Variants in AJUBA observed in about 807,000 individuals in gnomAD.
The protein encoded by AJUBA is ajuba LIM protein.
A neutral mutation model predicts 53.3 loss-of-function variants in AJUBA; 20 were observed. That is an observed-to-expected ratio of 0.38 (90% CI 0.26 to 0.55). The LOEUF is 0.55. Ranked by LOEUF, AJUBA falls within the 20% of genes least tolerant of loss-of-function variation. AJUBA has a pLI of 0.80. For synonymous variants in AJUBA, 296 were observed against 306.2 expected (o/e 0.97, Z 0.35); for missense variants, 580 against 730.5 (o/e 0.79, Z 2.38).
rs1364574268 is a variant in AJUBA at position 22,982,543 on chromosome 14, C to A, written c.-277G>T. The A allele has an allele frequency of 2.3e-6, 3 of 1,299,490 alleles. No homozygotes were observed. The highest frequency in any genetic ancestry group is 3.1e-5 in the African/African-American group (2 of 63,924). The allele number at this position is 1,299,490 out of a possible 1,614,324, so 80.5% of individuals were successfully genotyped here. A position where few individuals can be genotyped will look rare whatever the true frequency, so the allele number is the denominator to read the frequency against. On this transcript the variant is annotated 5_prime_UTR_variant, in exon 1 of 8. Coordinates refer to ENST00000262713, the MANE Select transcript of AJUBA (RefSeq NM_032876.6). ...AGGTCTATCTGTTCACGCGTCGACT[C>A]GCCCGACTGCCCCACTCTCCCCGGC...
intron 2 of AJUBA, chr14:22,977,227 C>G (rs1378989418): frequency 2.0e-6 from 2 of 986,732 alleles, no homozygotes; most frequent in South Asian, 9.4e-5. Context: ...GGAGTTACTG[C>G]AGAAGGACAA....
At position 22,982,202 on chromosome 14, in the gene AJUBA, G is replaced by C. The variant is rs778744581; in HGVS notation, c.65C>G (p.Ser22Cys). ...LEKFGRRKGE[S>C]SRSGSDGTPG... ...GGTCCCGTCAGACCCAGACCGGCTA[G>C]ATTCACCCTTTCTGCGGCCGAACTT... The change falls in exon 1 of 8, where the codon TCT becomes TGT. Residue 22 changes from serine (S) to cysteine (C), a missense_variant. Physicochemically the swap from Ser to Cys is moderately radical, Grantham distance 112 (BLOSUM62 -1). Transcript: ENST00000262713. The C allele has an allele frequency of 2.5e-6, 4 of 1,613,950 alleles. No homozygotes were observed. The highest frequency in any genetic ancestry group is 1.3e-5 in the African/African-American group (1 of 75,042).
In AJUBA at chr14:22,979,793, C is replaced by A. The variant is rs1286333305; in HGVS notation, c.1007-1348G>T. The stretch of plus-strand genomic sequence containing the variant: ...CATATCTATACCTATGTTCTTCCTG[C>A]CATTTTATTGCAGTTTCTCTGAGTT... On this transcript the variant is annotated intron_variant, in intron 1 of 7. Coordinates refer to ENST00000262713, the MANE Select transcript of AJUBA (RefSeq NM_032876.6). The surrounding 1 kb of genome is among the most constrained non-coding windows in gnomAD (Gnocchi z 4.0). 6.6e-6 allele frequency among the ~76,000 whole-genome samples: 1 copy of A among 152,234 alleles called. No homozygotes were observed. Among genetic ancestry groups the A allele is most frequent in the Non-Finnish European group, 1.5e-5 (1 of 68,042 alleles).
Position 22,981,493 on chromosome 14 carries a change from T to C in AJUBA, c.774A>G (p.Gln258=), listed in dbSNP as rs1398277558. Reference sequence around the variant, plus strand: ...AGCCGGTCACAGAGTGTCGTCCGGGTTGCGCCCCCCGTCTCTCCAAGGGCC... The same window carrying C: ...AGCCGGTCACAGAGTGTCGTCCGGGCTGCGCCCCCCGTCTCTCCAAGGGCC... ...AAGPLERRGA[Q]PGRHSVTGYG... The change falls in exon 1 of 8, where the codon CAA becomes CAG. Residue 258 remains glutamine, a synonymous_variant. Coordinates refer to ENST00000262713, the MANE Select transcript of AJUBA (RefSeq NM_032876.6). 6.3e-7 allele frequency: 1 copy of C among 1,594,916 alleles called. No individual in the cohort carries two copies. The highest frequency in any genetic ancestry group is 8.5e-7 in the Non-Finnish European group (1 of 1,172,918).
At position 22,972,602 on chromosome 14, in the gene AJUBA, G is replaced by A. The variant is rs1284552133; in HGVS notation, c.*841C>T. The A allele has an allele frequency of 6.6e-6, 1 of 152,568 alleles. No individual in the cohort carries two copies. The highest frequency in any genetic ancestry group is 2.4e-5 in the African/African-American group (1 of 41,398). The allele number at this position is 152,568 out of a possible 1,614,324, so 9.5% of individuals were successfully genotyped here. A position where few individuals can be genotyped will look rare whatever the true frequency, so the allele number is the denominator to read the frequency against. ...AGTTCCTGAGAAACAGGGAATACAG[G>A]CAGCAACCCCACTCAGAGCTGGTCC... On this transcript the variant is annotated 3_prime_UTR_variant, in exon 8 of 8. Transcript: ENST00000262713.
At position 22,974,990 on chromosome 14, in the gene AJUBA, C is replaced by A. The variant is rs779502019; in HGVS notation, c.1354G>T (p.Val452Phe). The A allele has an allele frequency of 6.2e-7, 1 of 1,614,236 alleles. No homozygotes were observed. Among genetic ancestry groups the A allele is most frequent in the Non-Finnish European group, 8.5e-7 (1 of 1,180,030 alleles). The change falls in exon 5 of 8, where the codon GTC (valine) becomes TTC (phenylalanine). Residue 452 changes from valine (V) to phenylalanine (F), a missense_variant. This residue lies in a region of AJUBA where 150 missense variants were observed against 259.0 expected (regional missense o/e 0.58). Coordinates refer to ENST00000262713, the MANE Select transcript of AJUBA (RefSeq NM_032876.6). ...CAGACTCACTTGTGGTAGTCGGTGA[C>A]ACAGTATACTTGGTTGGAGAAGTCC... ...TVDFSNQVYC[V>F]TDYHKNYAPK...
rs1194474491 is a variant in AJUBA, at chr14:22,979,065, G to A, written c.1007-620C>T. 1 of 1,288,584 alleles carries A rather than the reference G, an allele frequency of 7.8e-7. No homozygotes were observed. Among genetic ancestry groups the A allele is most frequent in the Admixed American group, 2.3e-5 (1 of 43,488 alleles). 79.8% of individuals were successfully genotyped at this position (1,288,584 alleles called of 1,614,324 possible). A position where few individuals can be genotyped will look rare whatever the true frequency, so the allele number is the denominator to read the frequency against. ...TGGGGAGGTGGCTGCTGAGAATGCA[G>A]GGTGTGTTCCAGGAACCAGGGTTGA... On this transcript the variant is annotated intron_variant, in intron 1 of 7. Coordinates refer to ENST00000262713, the MANE Select transcript of AJUBA (RefSeq NM_032876.6). This position sits in a 1 kb window ranked among gnomAD's most constrained non-coding sequence, Gnocchi z 4.0.
chr14:22,974,208 A>G (rs573433773), intron 6 of AJUBA, 93 bp from the exon 7 acceptor site: 52 of 1,283,448 alleles, frequency 4.1e-5, no homozygotes, highest in Non-Finnish European at 5.7e-5. Context: ...CCATGGGAAG[A>G]TCATACAAAT....
chr14:22,974,876 TTAGGAGCATAA>T lies in AJUBA; in HGVS notation c.1374_1384del (p.Asn458LysfsTer13). ...GATGGGTTGGCCACAGGCTGCACACTTAGGAGCATAATTTCTGAAAGAGAGAGGGAAGAGAT... is the reference window on the plus strand; with the variant it reads ...GATGGGTTGGCCACAGGCTGCACACTTTTCTGAAAGAGAGAGGGAAGAGAT... On this transcript the variant is annotated frameshift_variant, in exon 6 of 8. Transcript: ENST00000262713. LOFTEE classifies it high-confidence loss of function. 1 of 1,613,564 alleles carries T rather than the reference TTAGGAGCATAA, an allele frequency of 6.2e-7. No homozygotes were observed. The highest frequency in any genetic ancestry group is 1.7e-5 in the Admixed American group (1 of 59,978).
chr14:22,971,589 ATTCACCC>A lies in AJUBA; in HGVS notation c.*1847_*1853del, dbSNP rs1383839014. 6.6e-6 allele frequency: 1 copy of A among 152,208 alleles called. No homozygotes were observed. The highest frequency in any genetic ancestry group is 1.5e-5 in the Non-Finnish European group (1 of 68,044). The allele number at this position is 152,208 out of a possible 1,614,324, so 9.4% of individuals were successfully genotyped here. A position where few individuals can be genotyped will look rare whatever the true frequency, so the allele number is the denominator to read the frequency against. On this transcript the variant is annotated 3_prime_UTR_variant, in exon 8 of 8. Transcript: ENST00000262713. Reference sequence around the variant, plus strand: ...GCAGCATTTCAAAAGGATTTAGCAGATTCACCCTTTTAGTTATTACTGTTGTCTGTAT... The same window carrying A: ...GCAGCATTTCAAAAGGATTTAGCAGATTTTAGTTATTACTGTTGTCTGTAT...
At chr14:22,976,370 C>T in intron 4 of AJUBA, 86 bp downstream of exon 4, 2 of 1,388,252 alleles carry the variant, frequency 1.4e-6, no homozygotes, top group East Asian at 4.6e-5. Flanking sequence ...GCTTCTTTCC[C>T]CAACCTTCTC....
At chr14:22,976,064 G>A (rs752839767) in intron 4 of AJUBA, among the ~76,000 whole-genome samples, 1 of 150,282 alleles carries the variant, frequency 6.7e-6, no homozygotes, top group Non-Finnish European at 1.5e-5. Flanking sequence ...TTGGGAGGCT[G>A]AGGCACTAGA....
At chr14:22,975,435 G>GA (rs764668718) in intron 4 of AJUBA, 10 of 235,016 alleles carry the variant, frequency 4.3e-5, no homozygotes, top group Non-Finnish European at 7.4e-5. Context: ...GTTTTGTTTT[G>GA]TTTTTTAGTT....
At chr14:22,977,390 C>G (rs932602075) in intron 2 of AJUBA, 12 of 168,334 alleles carry the variant, frequency 7.1e-5, no homozygotes, top group African/African-American at 2.9e-4. Context: ...TGACCAACCC[C>G]CAGGAACTGC....
rs1329221509 is a variant in AJUBA, at chr14:22,979,020, C to A, written c.1007-575G>T. 7.8e-7 allele frequency: 1 copy of A among 1,289,110 alleles called. No homozygotes were observed. The highest frequency in any genetic ancestry group is 5.5e-5 in the East Asian group (1 of 18,028). The allele number at this position is 1,289,110 out of a possible 1,614,324, so 79.9% of individuals were successfully genotyped here. A position where few individuals can be genotyped will look rare whatever the true frequency, so the allele number is the denominator to read the frequency against. On this transcript the variant is annotated intron_variant, in intron 1 of 7. Transcript: ENST00000262713. The surrounding 1 kb of genome is among the most constrained non-coding windows in gnomAD (Gnocchi z 4.0). ...GGCAGAGGGCTCCGTGCAGAGGGGACCATGTGAGCATGATTCCTGTGGGGA... is the reference window on the plus strand; with the variant it reads ...GGCAGAGGGCTCCGTGCAGAGGGGAACATGTGAGCATGATTCCTGTGGGGA...
intron 2 of AJUBA, chr14:22,976,974 C>G: frequency 7.4e-7 from 1 of 1,357,104 alleles, no homozygotes; most frequent in Non-Finnish European, 9.5e-7. Flanking sequence ...AGGGCCCCTC[C>G]CCTAAACAAA....
chr14:22,982,385 G>T lies in AJUBA; in HGVS notation c.-119C>A. ...CCCCAGGGGCACAGGGGAGGCACAGGGGCTTAGCGGGCGGCCTGGATGCCC... is the reference window on the plus strand; with the variant it reads ...CCCCAGGGGCACAGGGGAGGCACAGTGGCTTAGCGGGCGGCCTGGATGCCC... On this transcript the variant is annotated 5_prime_UTR_variant, in exon 1 of 8. Coordinates refer to ENST00000262713, the MANE Select transcript of AJUBA (RefSeq NM_032876.6). The T allele has an allele frequency of 1.3e-6, 2 of 1,486,770 alleles. No homozygotes were observed. The highest frequency in any genetic ancestry group is 2.7e-5 in the South Asian group (2 of 73,966). 92.1% of individuals were successfully genotyped at this position (1,486,770 alleles called of 1,614,324 possible).
chr14:22,973,412 G>A lies in AJUBA; in HGVS notation c.*31C>T, dbSNP rs1199718842. ...GCCCACTGGCCACAGCAGTTTGTCT[G>A]CAGGGTGACAGCAGCAGCAGTGATT... On this transcript the variant is annotated 3_prime_UTR_variant, in exon 8 of 8. Transcript: ENST00000262713. 2 of 1,587,666 alleles carry A rather than the reference G, an allele frequency of 1.3e-6. No homozygotes were observed. Among genetic ancestry groups the A allele is most frequent in the African/African-American group, 2.7e-5 (2 of 74,366 alleles).
At chr14:22,976,148 CAAAA>C (rs1214094875) in intron 4 of AJUBA, among the ~76,000 whole-genome samples, 4 of 83,398 alleles carry the variant, frequency 4.8e-5, no homozygotes, top group East Asian at 4.4e-4. Flanking sequence ...GACTCTGTCT[CAAAA>C]AAAAAAAAAA....
Sources: gnomAD v4.1 joint callset for allele counts (sites outside exome capture counted in the v4.1 genomes callset) on GRCh38, gnomAD v4.1.1 for gene constraint, gnomAD v4.1.1 regional missense constraint, Gnocchi (gnomAD v3.1) non-coding constraint, MANE v1.5 for transcripts, NCBI Gene and HGNC (gene_info 2026-07-23, HGNC 2026-07-21) for gene names.